The following FBN1 variants were observed in gnomAD, a reference collection of about 807,000 sequenced individuals.
FBN1 encodes the protein fibrillin 1.
A neutral mutation model predicts 365.1 loss-of-function variants in FBN1; 29 were observed. That is an observed-to-expected ratio of 0.08 (90% CI 0.06 to 0.11). FBN1 has a LOEUF of 0.11. Among genes scored for constraint, FBN1 ranks in the 10% least tolerant of loss-of-function variants. The probability of loss-of-function intolerance (pLI) is 1.00; values close to 1 mark genes in which losing one functional copy is unlikely to be tolerated. For synonymous variants in FBN1, 1,210 were observed against 1,270.5 expected (o/e 0.95, Z 1.01); for missense variants, 2,476 against 3,703.2 (o/e 0.67, Z 8.60).
chr15:48,607,887 A>G (rs1252946997), intron 4 of FBN1, among the ~76,000 whole-genome samples: 2 of 152,250 alleles, frequency 1.3e-5, no homozygotes, highest in Non-Finnish European at 2.9e-5. Context: ...GGATTGCTCA[A>G]AATCCATCTG....
At chr15:48,504,597 A>G (rs1227411722) in intron 16 of FBN1, among the ~76,000 whole-genome samples, 1 of 152,234 alleles carries the variant, frequency 6.6e-6, no homozygotes, top group East Asian at 1.9e-4. Flanking sequence ...CATACTTTTT[A>G]TAAAGCCTCA....
chr15:48,630,746 A>G (rs7180116), intron 2 of FBN1, among the ~76,000 whole-genome samples: 12,994 of 145,086 alleles, frequency 0.09, 1,941 homozygotes, highest in African/African-American at 0.32. Flanking sequence ...AAAAAAAAAA[A>G]AAAAGAAAAG....
chr15:48,439,755 A>G (rs1422467531), intron 50 of FBN1, among the ~76,000 whole-genome samples: 1 of 148,036 alleles, frequency 6.8e-6, no homozygotes, highest in African/African-American at 2.5e-5. Context: ...CTCCACCCCG[A>G]AAAAAAAAAA....
intron 60 of FBN1, among the ~76,000 whole-genome samples, chr15:48,424,102 C>T (rs552657602): frequency 2.2e-4 from 34 of 152,162 alleles, no homozygotes; most frequent in Non-Finnish European, 4.1e-4. Context: ...TGAGTTATAG[C>T]TTCACATTGC....
At chr15:48,628,745 T>C (rs1827918) in intron 2 of FBN1, among the ~76,000 whole-genome samples, 20,726 of 152,124 alleles carry the variant, frequency 0.14, 3,725 homozygotes, top group African/African-American at 0.4. Flanking sequence ...CTTTACAGCA[T>C]TAGTAAGTCA....
intron 12 of FBN1, among the ~76,000 whole-genome samples, chr15:48,514,867 T>C (rs1045878340): frequency 6.6e-6 from 1 of 152,210 alleles, no homozygotes; most frequent in Non-Finnish European, 1.5e-5. Context: ...TATGCTCATG[T>C]CTTAATTCCC....
intron 65 of FBN1, 64 bp downstream of exon 65, chr15:48,412,501 GAAAC>G: frequency 6.4e-7 from 1 of 1,550,588 alleles, no homozygotes; most frequent in Non-Finnish European, 8.9e-7. Context: ...ATCCTTGGAG[GAAAC>G]CACAGGAATC....
At chr15:48,528,062 C>T (rs376487534) in intron 8 of FBN1, among the ~76,000 whole-genome samples, 8 of 152,346 alleles carry the variant, frequency 5.3e-5, no homozygotes, top group African/African-American at 1.9e-4. Flanking sequence ...GAAGAATGTA[C>T]CTTTTTCAAA....
intron 12 of FBN1, 58 bp from the exon 13 acceptor site, chr15:48,513,726 G>A: frequency 3.8e-6 from 6 of 1,597,914 alleles, no homozygotes; most frequent in Non-Finnish European, 8.6e-7. Context: ...ATAATTCTAA[G>A]ACTTTCTGGG....
chr15:48,526,777 T>C (rs2043918503), intron 8 of FBN1, among the ~76,000 whole-genome samples: 1 of 152,186 alleles, frequency 6.6e-6, no homozygotes, highest in Non-Finnish European at 1.5e-5. Context: ...ACTACCATTA[T>C]GATGGTCTTC....
chr15:48,458,279 C>A (rs2141262111), intron 43 of FBN1, among the ~76,000 whole-genome samples: 1 of 152,270 alleles, frequency 6.6e-6, no homozygotes, highest in South Asian at 2.1e-4. Context: ...TATAACCAAT[C>A]TGTTTTAAAG....
intron 5 of FBN1, among the ~76,000 whole-genome samples, chr15:48,598,011 C>T (rs1380795253): frequency 2.7e-5 from 4 of 148,100 alleles, no homozygotes; most frequent in Admixed American, 2.0e-4. Flanking sequence ...GGGATCCAGC[C>T]CCATCTCGCC....
At position 48,534,217 on chromosome 15, in the gene FBN1, C is replaced by CA; in HGVS notation, c.737-13dup. 1.2e-6 allele frequency: 2 copies of CA among 1,600,862 alleles called. No individual in the cohort carries two copies. The highest frequency in any genetic ancestry group is 1.4e-5 in the African/African-American group (1 of 73,598). ...GCATTCATCCACATCTGTCAGATTA[C>CA]AGAAGACAGAGAGAAAAAAAAAAAA... On this transcript the variant is annotated splice_polypyrimidine_tract_variant and intron_variant, in intron 7 of 65. Transcript: ENST00000316623.
At position 48,481,729 on chromosome 15, in the gene FBN1, T is replaced by C. The variant is rs200342067; in HGVS notation, c.3890A>G (p.Glu1297Gly). 2.8e-4 allele frequency: 447 copies of C among 1,613,852 alleles called. 6 individuals are homozygous for C. The Admixed American group carries it at 7.2e-3, about 26-fold the overall frequency. ...GCAGATAAATGAGCCTTTCGTGTTT[T>C]CACAGGTCCCACTTAGGCAGATATT... Reference protein sequence around the residue: ...NPNICLSGTCENTKGSFICHC... With the variant: ...NPNICLSGTCGNTKGSFICHC... The change falls in exon 32 of 66, where the codon GAA becomes GGA. Residue 1297 changes from glutamate to glycine, a missense_variant. Glu to Gly is a moderately conservative substitution (Grantham distance 98). This residue lies in a region of FBN1 where 1,780 missense variants were observed against 2,840.8 expected (regional missense o/e 0.63). Coordinates refer to ENST00000316623, the MANE Select transcript of FBN1 (RefSeq NM_000138.5).
chr15:48,611,390 A>G (rs2044655037), intron 3 of FBN1, among the ~76,000 whole-genome samples: 1 of 152,082 alleles, frequency 6.6e-6, no homozygotes, highest in African/African-American at 2.4e-5. Context: ...CCTCCCGAGT[A>G]GCTGGGACTA....
intron 6 of FBN1, among the ~76,000 whole-genome samples, chr15:48,576,564 G>C (rs1265300652): frequency 1.3e-5 from 2 of 152,200 alleles, no homozygotes; most frequent in African/African-American, 4.8e-5. Context: ...GGAATGAAGG[G>C]AAGGTGGGAG....
At position 48,427,733 on chromosome 15, in the gene FBN1, G is replaced by A; in HGVS notation, c.7038C>T (p.Asn2346=). The A allele has an allele frequency of 6.2e-7, 1 of 1,614,062 alleles. No homozygotes were observed. The highest frequency in any genetic ancestry group is 8.5e-7 in the Non-Finnish European group (1 of 1,179,994). Residue 2346 remains asparagine, a synonymous_variant, in exon 58 of 66, where the codon AAC becomes AAT. Coordinates refer to ENST00000316623, the MANE Select transcript of FBN1 (RefSeq NM_000138.5). ...EGYCFTEVLQ[N]MCQIGSSNRN... ...TGTTGCTGGAGCCGATCTGACACAT[G>A]TTTTGTAGCACCTCTGTGAAGCAGT... is the stretch of plus-strand genomic sequence containing the variant.
At chr15:48,543,880 G>A (rs972810762) in intron 6 of FBN1, among the ~76,000 whole-genome samples, 2 of 152,010 alleles carry the variant, frequency 1.3e-5, no homozygotes, top group Non-Finnish European at 2.9e-5. Flanking sequence ...TAGAGGTGAC[G>A]TCTCATGATG....
chr15:48,498,999 G>C lies in FBN1; in HGVS notation c.2153C>G (p.Thr718Arg). The change falls in exon 18 of 66, where the codon ACG becomes AGG. Residue 718 changes from threonine (T) to arginine (R), a missense_variant. Physicochemically the swap from Thr to Arg is moderately conservative, Grantham distance 71. Around this residue, in one of 5 missense-constraint regions of FBN1, gnomAD observed 1,780 missense variants for 2,840.8 expected, o/e 0.63. Coordinates refer to ENST00000316623, the MANE Select transcript of FBN1 (RefSeq NM_000138.5). ...QALCSSGPGM[T>R]SAGSDINECA... Reference sequence around the variant, plus strand: ...GGAATCCTTACCACTGCCTGCTGACGTCATTCCTGGCCCACTGCTGCAGAG... The same window carrying C: ...GGAATCCTTACCACTGCCTGCTGACCTCATTCCTGGCCCACTGCTGCAGAG... The C allele has an allele frequency of 6.2e-7, 1 of 1,614,164 alleles. No individual in the cohort carries two copies. Among genetic ancestry groups the C allele is most frequent in the African/African-American group, 1.3e-5 (1 of 75,066 alleles).
Sources: gnomAD v4.1 joint callset for allele counts (sites outside exome capture counted in the v4.1 genomes callset) on GRCh38, gnomAD v4.1.1 for gene constraint, gnomAD v4.1.1 regional missense constraint, MANE v1.5 for transcripts, NCBI Gene and HGNC (gene_info 2026-07-23, HGNC 2026-07-21) for gene names.